TNPO3: variants seen among roughly 807,000 people sequenced by gnomAD.
TNPO3 encodes the protein transportin 3, also known as transportin-3.
TNPO3 carries 65 observed loss-of-function variants against 122.8 expected under a neutral mutation model. The observed-to-expected ratio is 0.53, with a 90% CI of 0.43 to 0.65. The LOEUF is 0.65. Among genes scored for constraint, TNPO3 ranks in the 30% least tolerant of loss-of-function variants. TNPO3 has a pLI of 0.00. For synonymous variants in TNPO3, 372 were observed against 411.2 expected (o/e 0.90, Z 1.15); for missense variants, 850 against 1,136.7 (o/e 0.75, Z 3.63).
chr7:129,012,284 G>A (rs1036061828), intron 4 of TNPO3, among the ~76,000 whole-genome samples: 3 of 152,064 alleles, frequency 2.0e-5, no homozygotes, highest in African/African-American at 4.8e-5. Context: ...GGGATTACAG[G>A]GGTGAGCCAC....
At chr7:129,002,612 C>G (rs116847922) in intron 5 of TNPO3, among the ~76,000 whole-genome samples, 1,559 of 152,226 alleles carry the variant, frequency 0.01, 79 homozygotes, top group Admixed American at 0.077. Flanking sequence ...CATTATATTA[C>G]CAAGTTATAA....
intron 8 of TNPO3, among the ~76,000 whole-genome samples, chr7:128,996,340 A>G (rs1190081473): frequency 6.6e-6 from 1 of 152,234 alleles, no homozygotes; most frequent in Non-Finnish European, 1.5e-5. Context: ...CAAAATCAGT[A>G]TAAATAAGAT....
intron 1 of TNPO3, among the ~76,000 whole-genome samples, chr7:129,041,916 A>G (rs1007587193): frequency 6.6e-6 from 1 of 152,156 alleles, no homozygotes; most frequent in African/African-American, 2.4e-5. Flanking sequence ...AGCAGATCCT[A>G]AAGTACTTGC....
intron 8 of TNPO3, among the ~76,000 whole-genome samples, chr7:128,995,739 C>A (rs1051711289): frequency 1.4e-4 from 21 of 152,136 alleles, no homozygotes; most frequent in African/African-American, 5.1e-4. Context: ...TGCTCTACTG[C>A]CCAGGCTGGA....
intron 4 of TNPO3, among the ~76,000 whole-genome samples, chr7:129,008,665 C>A (rs76832933): frequency 0.07 from 10,624 of 152,184 alleles, 827 homozygotes; most frequent in African/African-American, 0.19. Flanking sequence ...GCAAAATGAA[C>A]GGAGTAACTA....
chr7:129,039,616 T>G (rs1226226191), intron 1 of TNPO3, among the ~76,000 whole-genome samples: 2 of 152,162 alleles, frequency 1.3e-5, no homozygotes, highest in African/African-American at 4.8e-5. Context: ...ACAGCACTTG[T>G]ACATGAATGC....
chr7:129,016,851 A>G (rs1039410664), intron 3 of TNPO3, 132 bp downstream of exon 3: 59 of 712,842 alleles, frequency 8.3e-5, no homozygotes, highest in Non-Finnish European at 1.3e-4. Flanking sequence ...TTAATCTAAC[A>G]AAGGTTAATA....
chr7:129,007,809 C>G (rs560264968), intron 4 of TNPO3, among the ~76,000 whole-genome samples: 71 of 152,312 alleles, frequency 4.7e-4, no homozygotes, highest in South Asian at 3.9e-3. Flanking sequence ...CTGTCACTAT[C>G]TAAAGCCACA....
chr7:128,973,494 T>C (rs961954413), intron 18 of TNPO3, among the ~76,000 whole-genome samples: 2 of 151,676 alleles, frequency 1.3e-5, no homozygotes, highest in South Asian at 4.2e-4. Flanking sequence ...CCCAGCACTT[T>C]GGGAGGCCGA....
intron 19 of TNPO3, 30 bp downstream of exon 19, chr7:128,972,396 A>C: frequency 6.3e-7 from 1 of 1,593,674 alleles, no homozygotes; most frequent in Non-Finnish European, 8.6e-7. Context: ...AAAAGCTGTT[A>C]AGTAGAAATG....
At chr7:129,056,095 T>C, upstream of TNPO3, 1 of 1,118,724 alleles carries the variant, frequency 8.9e-7, no homozygotes, top group South Asian at 1.3e-5. Context: ...GGGGAGCTCA[T>C]CGGCACTCAG....
intron 8 of TNPO3, among the ~76,000 whole-genome samples, chr7:128,996,138 G>T (rs1355008495): frequency 6.6e-6 from 1 of 152,178 alleles, no homozygotes; most frequent in Non-Finnish European, 1.5e-5. Flanking sequence ...AACAGCACGT[G>T]GGATTTAATT....
chr7:129,041,723 AC>A (rs1205691302), intron 1 of TNPO3: 1 of 985,404 alleles, frequency 1.0e-6, no homozygotes, highest in African/African-American at 1.7e-5. Context: ...AGAGGCTGCA[AC>A]AAGAGAACAT....
At chr7:128,979,171 GGA>G in intron 15 of TNPO3, 48 bp from the exon 16 acceptor site, 1 of 1,605,286 alleles carries the variant, frequency 6.2e-7, no homozygotes, top group Non-Finnish European at 8.5e-7. Flanking sequence ...TCAACAACTA[GGA>G]CCTGAAAAAC....
chr7:128,955,236 T>C lies in TNPO3; in HGVS notation c.*181A>G. The C allele has an allele frequency of 2.2e-6, 1 of 444,874 alleles. No homozygotes were observed. Among genetic ancestry groups the C allele is most frequent in the Non-Finnish European group, 4.5e-6 (1 of 223,632 alleles). 27.6% of individuals were successfully genotyped at this position (444,874 alleles called of 1,614,324 possible). ...CCTCACACCCCCAAACAGGAACTCCTCAGGATGGCCTCAGAAGGCTGGAGT... is the reference window on the plus strand; with the variant it reads ...CCTCACACCCCCAAACAGGAACTCCCCAGGATGGCCTCAGAAGGCTGGAGT... On this transcript the variant is annotated 3_prime_UTR_variant, in exon 23 of 23. Coordinates refer to ENST00000265388, the MANE Select transcript of TNPO3 (RefSeq NM_012470.4).
chr7:129,042,294 T>G (rs950464323), intron 1 of TNPO3, among the ~76,000 whole-genome samples: 38 of 152,348 alleles, frequency 2.5e-4, no homozygotes, highest in Admixed American at 3.9e-4. Context: ...TATTATTTAC[T>G]AAATGAAGAT....
chr7:129,047,122 G>A (rs1226820928), intron 1 of TNPO3, among the ~76,000 whole-genome samples: 1 of 152,166 alleles, frequency 6.6e-6, no homozygotes, highest in Non-Finnish European at 1.5e-5. Flanking sequence ...TGCTTTTGAT[G>A]CTTTCCATCA....
intron 1 of TNPO3, among the ~76,000 whole-genome samples, chr7:129,034,482 GAAGA>G (rs951984250): frequency 3.3e-5 from 5 of 152,148 alleles, no homozygotes; most frequent in Admixed American, 1.3e-4. Context: ...TTCCAGCCTG[GAAGA>G]CAGAGCAAGA....
At chr7:128,990,993 T>C (rs1247697831) in intron 10 of TNPO3, among the ~76,000 whole-genome samples, 1 of 152,242 alleles carries the variant, frequency 6.6e-6, no homozygotes, top group East Asian at 1.9e-4. Flanking sequence ...AAATATCAAA[T>C]CTCTCATTTA....
Sources: allele counts gnomAD v4.1 joint callset (sites outside exome capture counted in the v4.1 genomes callset), GRCh38; gene constraint gnomAD v4.1.1; transcripts MANE v1.5; gene names NCBI Gene and HGNC (gene_info 2026-07-23, HGNC 2026-07-21).